The following EYS variants were observed in gnomAD, a reference collection of about 807,000 sequenced individuals.
EYS encodes the protein protein eyes shut homolog.
A neutral mutation model predicts 282.1 loss-of-function variants in EYS; 250 were observed. That is an observed-to-expected ratio of 0.89 (90% CI 0.80 to 0.98). The LOEUF is 0.98. Ranked by LOEUF, EYS falls within the 50% of genes least tolerant of loss-of-function variation. The pLI, the probability that EYS is intolerant of heterozygous loss-of-function variation, is 0.00. For missense variants in EYS, 4,016 were observed against 3,709.0 expected, an observed-to-expected ratio of 1.08 and a Z score of -2.15; for synonymous variants, 1,355 against 1,282.9, an observed-to-expected ratio of 1.06 and a Z score of -1.20.
At chr6:65,604,290 C>T (rs774736688) in intron 2 of EYS, among the ~76,000 whole-genome samples, 30 of 151,824 alleles carry the variant, frequency 2.0e-4, no homozygotes, top group Non-Finnish European at 2.9e-4. Context: ...ATTCAACTTC[C>T]GATCACATTT....
At chr6:63,954,147 T>G (rs1315077457) in intron 35 of EYS, among the ~76,000 whole-genome samples, 5 of 152,226 alleles carry the variant, frequency 3.3e-5, no homozygotes, top group Non-Finnish European at 5.9e-5. Context: ...CTGACCCCTG[T>G]GACTGTATAT....
At chr6:64,551,759 C>T (rs1302076855) in intron 26 of EYS, among the ~76,000 whole-genome samples, 1 of 151,986 alleles carries the variant, frequency 6.6e-6, no homozygotes, top group Non-Finnish European at 1.5e-5. Flanking sequence ...AAGCATTTTC[C>T]TTTATAGAAA....
intron 29 of EYS, among the ~76,000 whole-genome samples, chr6:64,343,369 A>G (rs1771216908): frequency 6.6e-6 from 1 of 152,124 alleles, no homozygotes; most frequent in African/African-American, 2.4e-5. Context: ...CTCAGACCAC[A>G]GTGCAATCAA....
At chr6:63,956,389 G>A (rs1765823079) in intron 35 of EYS, among the ~76,000 whole-genome samples, 1 of 152,004 alleles carries the variant, frequency 6.6e-6, no homozygotes, top group African/African-American at 2.4e-5. Flanking sequence ...CCCAAATCCT[G>A]TAAAACGGCC....
intron 26 of EYS, among the ~76,000 whole-genome samples, chr6:64,517,570 G>A (rs1158979806): frequency 6.6e-6 from 1 of 151,778 alleles, no homozygotes; most frequent in African/African-American, 2.4e-5. Flanking sequence ...AAGCGGACAA[G>A]AGCCTAGGTA....
intron 30 of EYS, among the ~76,000 whole-genome samples, chr6:64,275,593 T>C (rs1258784923): frequency 6.6e-6 from 1 of 151,792 alleles, no homozygotes; most frequent in Non-Finnish European, 1.5e-5. Flanking sequence ...ATTTTTTGTA[T>C]TTTCAGTAGA....
chr6:65,224,146 A>T (rs1316852373), intron 12 of EYS, among the ~76,000 whole-genome samples: 1 of 152,198 alleles, frequency 6.6e-6, no homozygotes, highest in Non-Finnish European at 1.5e-5. Flanking sequence ...TTAAGTTCAC[A>T]TGGAACATCC....
chr6:64,654,584 T>TAGAA (rs1482262408), intron 22 of EYS, among the ~76,000 whole-genome samples: 2 of 152,178 alleles, frequency 1.3e-5, no homozygotes, highest in Non-Finnish European at 2.9e-5. Flanking sequence ...TTGCACTGTA[T>TAGAA]AGAATGATTA....
At chr6:65,263,039 G>A (rs1044929448) in intron 12 of EYS, among the ~76,000 whole-genome samples, 6 of 152,008 alleles carry the variant, frequency 3.9e-5, no homozygotes, top group East Asian at 1.9e-4. Flanking sequence ...GGATGACAGC[G>A]AATTGTAAAC....
At chr6:65,369,445 G>A (rs986538542) in intron 8 of EYS, among the ~76,000 whole-genome samples, 18 of 150,296 alleles carry the variant, frequency 1.2e-4, no homozygotes, top group Non-Finnish European at 2.5e-4. Context: ...ACTGTCAGAC[G>A]CAATGCCCAC....
At chr6:64,480,555 G>A (rs1172310887) in intron 26 of EYS, among the ~76,000 whole-genome samples, 1 of 151,644 alleles carries the variant, frequency 6.6e-6, no homozygotes, top group East Asian at 1.9e-4. Context: ...CAGCCTAAGG[G>A]GTGACAAAAC....
chr6:65,094,378 T>G lies in EYS; in HGVS notation c.2024-36651A>C, dbSNP rs1331386089. On this transcript the variant is annotated intron_variant, in intron 12 of 42. Coordinates refer to ENST00000503581, the MANE Select transcript of EYS (RefSeq NM_001142800.2). ...AACAATACTATAGACCAACGGGACC[T>G]AACAGACACATATGAAAGATTCCAT... 2.1e-5 allele frequency among the ~76,000 whole-genome samples: 3 copies of G among 140,504 alleles called. No individual in the cohort carries two copies. The South Asian group carries it at 6.7e-4, about 32-fold the overall frequency. The allele number at this position is 140,504 out of a possible 152,430, so 92.2% of individuals were successfully genotyped here. A position where few individuals can be genotyped will look rare whatever the true frequency, so the allele number is the denominator to read the frequency against.
At chr6:64,232,943 T>C (rs1402164944) in intron 30 of EYS, among the ~76,000 whole-genome samples, 1 of 152,228 alleles carries the variant, frequency 6.6e-6, no homozygotes, top group Non-Finnish European at 1.5e-5. Flanking sequence ...AATGCTAATA[T>C]GAATGACATG....
intron 30 of EYS, among the ~76,000 whole-genome samples, chr6:64,245,926 G>T (rs2150345795): frequency 6.9e-6 from 1 of 145,768 alleles, no homozygotes; most frequent in East Asian, 2.1e-4. Context: ...GGCTGAGGCA[G>T]GAGAATGGCG....
intron 31 of EYS, among the ~76,000 whole-genome samples, chr6:64,165,995 G>T (rs1306244539): frequency 2.0e-5 from 3 of 152,066 alleles, no homozygotes; most frequent in African/African-American, 7.2e-5. Flanking sequence ...AGCCAAATTG[G>T]GTCCTAAAAT....
intron 26 of EYS, among the ~76,000 whole-genome samples, chr6:64,534,675 T>C (rs1764463312): frequency 1.3e-5 from 2 of 152,212 alleles, no homozygotes. Flanking sequence ...TATCAACTAA[T>C]ACTAAAATTT....
intron 31 of EYS, among the ~76,000 whole-genome samples, chr6:64,116,851 G>T (rs1773402519): frequency 6.6e-6 from 1 of 151,832 alleles, no homozygotes; most frequent in Non-Finnish European, 1.5e-5. Context: ...ATGATAAAGG[G>T]GTCACTTTAT....
At chr6:64,094,227 GTGTCTTTGCC>G (rs1438845087) in intron 31 of EYS, among the ~76,000 whole-genome samples, 1 of 152,088 alleles carries the variant, frequency 6.6e-6, no homozygotes, top group Non-Finnish European at 1.5e-5. Context: ...TTTTTTGGTT[GTGTCTTTGCC>G]TGGCTTTGGT....
intron 2 of EYS, among the ~76,000 whole-genome samples, chr6:65,533,249 C>T (rs1429643639): frequency 2.0e-5 from 3 of 151,984 alleles, no homozygotes; most frequent in Non-Finnish European, 4.4e-5. Context: ...TGGATAAATT[C>T]CTGGACACAT....
Sources: gnomAD v4.1 joint callset for allele counts (sites outside exome capture counted in the v4.1 genomes callset) on GRCh38, gnomAD v4.1.1 for gene constraint, MANE v1.5 for transcripts, NCBI Gene and HGNC (gene_info 2026-07-23, HGNC 2026-07-21) for gene names.